The following ASAP1 variants were observed in gnomAD, a reference collection of about 807,000 sequenced individuals.
The protein encoded by ASAP1 is arf-GAP with SH3 domain, ANK repeat and PH domain-containing protein 1.
ASAP1 carries 43 observed loss-of-function variants against 145.2 expected under a neutral mutation model. The observed-to-expected ratio is 0.30, with a 90% CI of 0.23 to 0.38. The LOEUF (loss-of-function observed/expected upper bound fraction) is 0.38. Among genes scored for constraint, ASAP1 ranks in the 10% least tolerant of loss-of-function variants. ASAP1 has a pLI of 1.00. For missense variants in ASAP1, 1,018 were observed against 1,355.3 expected, an observed-to-expected ratio of 0.75 and a Z score of 3.91; for synonymous variants, 546 against 515.5, an observed-to-expected ratio of 1.06 and a Z score of -0.80.
At position 130,179,318 on chromosome 8, in the gene ASAP1, T is replaced by C. The variant is rs753681718; in HGVS notation, c.692A>G (p.Lys231Arg). 6.2e-7 allele frequency: 1 copy of C among 1,609,684 alleles called. No homozygotes were observed. Among genetic ancestry groups the C allele is most frequent in the South Asian group, 1.1e-5 (1 of 90,996 alleles). ...YLIKVNEIKT[K>R]KGVDLLQNLI... Reference sequence around the variant, plus strand: ...ATTCTGCAGCAGATCCACACCCTTTTTGGTCTTGATTTCATTAACTTTAAT... The same window carrying C: ...ATTCTGCAGCAGATCCACACCCTTTCTGGTCTTGATTTCATTAACTTTAAT... Residue 231 changes from lysine (K) to arginine (R), a missense_variant, in exon 9 of 30, where the codon AAA becomes AGA. This residue lies in a region of ASAP1 where 78 missense variants were observed against 161.0 expected (regional missense o/e 0.48). Coordinates refer to ENST00000518721, the MANE Select transcript of ASAP1 (RefSeq NM_018482.4).
At chr8:130,145,393 C>G (rs2097626247) in intron 13 of ASAP1, among the ~76,000 whole-genome samples, 1 of 152,096 alleles carries the variant, frequency 6.6e-6, no homozygotes. Context: ...TCTTGGCTTA[C>G]TGCAACCTCT....
At chr8:130,059,757 G>A (rs1294854660) in intron 28 of ASAP1, among the ~76,000 whole-genome samples, 1 of 152,082 alleles carries the variant, frequency 6.6e-6, no homozygotes, top group African/African-American at 2.4e-5. Flanking sequence ...AATTCCTTTA[G>A]GAAGATGCAG....
chr8:130,244,185 C>G (rs16904227), intron 3 of ASAP1, among the ~76,000 whole-genome samples: 15,887 of 152,168 alleles, frequency 0.1, 978 homozygotes, highest in South Asian at 0.28. Flanking sequence ...TCAGTGGAAG[C>G]TGACTGAATG....
At chr8:130,382,285 CAAAAAAAAA>C (rs35060121) in intron 2 of ASAP1, among the ~76,000 whole-genome samples, 33 of 73,506 alleles carry the variant, frequency 4.5e-4, no homozygotes, top group African/African-American at 1.3e-3. Flanking sequence ...GATTCTGTCT[CAAAAAAAAA>C]AAAAAAAAAA....
intron 1 of ASAP1, among the ~76,000 whole-genome samples, chr8:130,410,314 A>G (rs563561611): frequency 6.6e-6 from 1 of 152,348 alleles, no homozygotes; most frequent in East Asian, 1.9e-4. Flanking sequence ...AATCCTCAGC[A>G]TTTTAAAAAG....
intron 2 of ASAP1, among the ~76,000 whole-genome samples, chr8:130,382,083 A>G (rs887749222): frequency 6.6e-4 from 101 of 152,124 alleles, no homozygotes; most frequent in Admixed American, 1.5e-3. Context: ...TCAGGAGATC[A>G]AGACCATCCT....
chr8:130,090,202 T>C (rs1323841271), intron 25 of ASAP1, among the ~76,000 whole-genome samples: 2 of 152,246 alleles, frequency 1.3e-5, no homozygotes, highest in Admixed American at 1.3e-4. Context: ...AGAAATTTGG[T>C]AAATTTATTT....
chr8:130,180,228 A>G (rs1814261886), intron 8 of ASAP1, among the ~76,000 whole-genome samples: 1 of 152,212 alleles, frequency 6.6e-6, no homozygotes, highest in African/African-American at 2.4e-5. Context: ...CTTACTCAAC[A>G]GCCGTGTCAG....
At chr8:130,286,865 G>A (rs556111860) in intron 3 of ASAP1, among the ~76,000 whole-genome samples, 1 of 152,298 alleles carries the variant, frequency 6.6e-6, no homozygotes, top group Non-Finnish European at 1.5e-5. Context: ...CACCCACAGG[G>A]AACATTTATC....
chr8:130,106,417 T>C (rs1377433894), intron 24 of ASAP1, among the ~76,000 whole-genome samples: 7 of 152,220 alleles, frequency 4.6e-5, no homozygotes, highest in South Asian at 4.1e-4. Flanking sequence ...TGTCATATAC[T>C]GAGCAAGTCT....
At chr8:130,170,252 T>A (rs983485141) in intron 9 of ASAP1, among the ~76,000 whole-genome samples, 7 of 152,000 alleles carry the variant, frequency 4.6e-5, no homozygotes, top group African/African-American at 1.7e-4. Context: ...AGCGGCGTGA[T>A]CTCAGCTCAC....
intron 3 of ASAP1, among the ~76,000 whole-genome samples, chr8:130,292,297 C>T (rs1254584677): frequency 6.6e-6 from 1 of 152,208 alleles, no homozygotes; most frequent in Non-Finnish European, 1.5e-5. Context: ...AGGAATCTTA[C>T]AGCCTTGTCT....
At chr8:130,334,452 T>C (rs1824906583) in intron 3 of ASAP1, among the ~76,000 whole-genome samples, 1 of 152,238 alleles carries the variant, frequency 6.6e-6, no homozygotes, top group Admixed American at 6.5e-5. Flanking sequence ...AGACAATATA[T>C]ATGGTCTCTT....
chr8:130,100,698 T>G (rs1364853042), intron 24 of ASAP1, among the ~76,000 whole-genome samples: 2 of 152,216 alleles, frequency 1.3e-5, no homozygotes, highest in Non-Finnish European at 1.5e-5. Flanking sequence ...ATCATTATTA[T>G]TTTGCTGCTG....
Position 130,382,303 on chromosome 8 carries a change from A to G in ASAP1, c.59+19582T>C, listed in dbSNP as rs548437160. On this transcript the variant is annotated intron_variant, in intron 2 of 29. Transcript: ENST00000518721. ...TCTGTCTCAAAAAAAAAAAAAAAAA[A>G]AAAAAAGAAATTAAAGATATCACCT... 6.8e-4 allele frequency among the ~76,000 whole-genome samples: 103 copies of G among 151,830 alleles called. 2 individuals carry two copies. The South Asian group carries it at 0.019, about 28-fold the overall frequency.
intron 1 of ASAP1, among the ~76,000 whole-genome samples, chr8:130,439,919 A>C (rs1480634321): frequency 6.6e-6 from 1 of 152,190 alleles, no homozygotes; most frequent in Non-Finnish European, 1.5e-5. Flanking sequence ...TCTCAAATTT[A>C]GGATGGCTGA....
intron 25 of ASAP1, chr8:130,083,037 A>G (rs1442203910): frequency 6.6e-6 from 1 of 152,252 alleles, no homozygotes; most frequent in Non-Finnish European, 1.5e-5. Context: ...ATTCCAAAGA[A>G]GTGATTATTA....
At chr8:130,348,653 A>G (rs556937690) in intron 3 of ASAP1, among the ~76,000 whole-genome samples, 9 of 152,238 alleles carry the variant, frequency 5.9e-5, no homozygotes, top group Admixed American at 1.3e-4. Context: ...ACTGACACTG[A>G]AAACAAGCTA....
chr8:130,117,900 TA>T lies in ASAP1; in HGVS notation c.1880+260del, dbSNP rs1357484565. On this transcript the variant is annotated intron_variant, in intron 20 of 29. Transcript: ENST00000518721. ...ATATCTGGTTCACTGTCTGTTTTTA[TA>T]AACAAAATAATAAAGTTTCATTGGA... Among the ~76,000 whole-genome samples, 4 of 152,362 alleles carry T rather than the reference TA, an allele frequency of 2.6e-5. No homozygotes were observed. The East Asian group carries it at 7.7e-4, about 29-fold the overall frequency.
Sources: allele counts gnomAD v4.1 joint callset (sites outside exome capture counted in the v4.1 genomes callset), GRCh38; gene constraint gnomAD v4.1.1; regional missense constraint gnomAD v4.1.1; transcripts MANE v1.5; gene names NCBI Gene and HGNC (gene_info 2026-07-23, HGNC 2026-07-21).